The following ARHGAP6 variants were observed in gnomAD, a reference collection of about 807,000 sequenced individuals.
ARHGAP6 encodes Rho GTPase activating protein 6.
Under a neutral mutation model 55.7 loss-of-function variants are expected in ARHGAP6, and 16 were observed. That is an observed-to-expected ratio of 0.29 (90% confidence interval 0.19 to 0.44). The LOEUF (loss-of-function observed/expected upper bound fraction) is 0.44, where lower values mean the gene tolerates loss of function less well. Among genes scored for constraint, ARHGAP6 ranks in the 20% least tolerant of loss-of-function variants. ARHGAP6 has a pLI of 1.00. For missense variants in ARHGAP6, 698 were observed against 808.9 expected (o/e 0.86, Z 1.66); for synonymous variants, 382 against 360.9 (o/e 1.06, Z -0.66).
In ARHGAP6 at chrX:11,413,837, A is replaced by G. The variant is rs1212172270; in HGVS notation, c.589-159130T>C. Among the ~76,000 whole-genome samples, 3 of 112,237 alleles carry G rather than the reference A, an allele frequency of 2.7e-5. No homozygotes were observed. In the South Asian group the frequency reaches 1.1e-3, roughly 42 times the overall value. On this transcript the variant is annotated intron_variant, in intron 1 of 12. Coordinates refer to ENST00000337414, the MANE Select transcript of ARHGAP6 (RefSeq NM_013427.3). The stretch of plus-strand genomic sequence containing the variant: ...TAAAGCATTTTCCAGTGATGTAGAG[A>G]TTGGACAAGGCAAATAGTTTTCAGA...
In ARHGAP6 at chrX:11,372,811, C is replaced by T. The variant is rs781237270; in HGVS notation, c.589-118104G>A. ...AAAAAAAAAAAGAAAAGAAAAGAAA[C>T]GAAATTATTGTTAACTTAATTGGGA... On this transcript the variant is annotated intron_variant, in intron 1 of 12. Transcript: ENST00000337414. 1.1e-4 allele frequency among the ~76,000 whole-genome samples: 9 copies of T among 80,497 alleles called. No homozygotes were observed. In the East Asian group the frequency reaches 3.2e-3, roughly 29 times the overall value. The allele number at this position is 80,497 out of a possible 115,157, so 69.9% of individuals were successfully genotyped here. A position where few individuals can be genotyped will look rare whatever the true frequency, so the allele number is the denominator to read the frequency against.
chrX:11,154,298 C>T (rs1433781433), intron 10 of ARHGAP6, among the ~76,000 whole-genome samples: 1 of 111,789 alleles, frequency 8.9e-6, no homozygotes, highest in Non-Finnish European at 1.9e-5. Context: ...CTAGGGTCTG[C>T]TCACCTACAC....
At chrX:11,230,529 C>G (rs1237528583) in intron 2 of ARHGAP6, among the ~76,000 whole-genome samples, 1 of 110,823 alleles carries the variant, frequency 9.0e-6, no homozygotes, top group Non-Finnish European at 1.9e-5. Flanking sequence ...CTTAGTACCT[C>G]AAATGAGTAA....
rs376591242 is a variant in ARHGAP6 at position 11,312,029 on chromosome X, T to C, written c.589-57322A>G. 7.1e-5 allele frequency among the ~76,000 whole-genome samples: 8 copies of C among 112,137 alleles called. No individual in the cohort carries two copies. In the South Asian group the frequency reaches 3.0e-3, roughly 42 times the overall value. ...TGTTTCATGCTTTCTCAAGACCTTA[T>C]GCCACTAACTGTGTGGGATTGGAAA... is the stretch of plus-strand genomic sequence containing the variant. On this transcript the variant is annotated intron_variant, in intron 1 of 12. Coordinates refer to ENST00000337414, the MANE Select transcript of ARHGAP6 (RefSeq NM_013427.3).
chrX:11,141,146 A>C, intron 12 of ARHGAP6, among the ~76,000 whole-genome samples: 1 of 111,584 alleles, frequency 9.0e-6, no homozygotes, highest in Non-Finnish European at 1.9e-5. Context: ...AACAATGAGA[A>C]AGGGAATATA....
chrX:11,186,673 C>T (rs934142825), intron 4 of ARHGAP6, among the ~76,000 whole-genome samples: 1 of 112,012 alleles, frequency 8.9e-6, no homozygotes, highest in Non-Finnish European at 1.9e-5. Flanking sequence ...CAATAGACAA[C>T]ATTTTCCAAA....
chrX:11,506,490 G>T (rs1296259710), intron 1 of ARHGAP6, among the ~76,000 whole-genome samples: 1 of 110,425 alleles, frequency 9.1e-6, no homozygotes, highest in African/African-American at 3.3e-5. Flanking sequence ...AACATGTGGT[G>T]TTTGGTTTTC....
At chrX:11,414,280 A>C (rs1250428108) in intron 1 of ARHGAP6, among the ~76,000 whole-genome samples, 1 of 112,567 alleles carries the variant, frequency 8.9e-6, no homozygotes, top group African/African-American at 3.2e-5. Flanking sequence ...ATGTCAATAA[A>C]TGCACATGGC....
intron 1 of ARHGAP6, among the ~76,000 whole-genome samples, chrX:11,258,472 T>A (rs1264105555): frequency 9.1e-6 from 1 of 110,392 alleles, no homozygotes; most frequent in East Asian, 2.8e-4. Flanking sequence ...ATGGTGAAAA[T>A]GGTATTTTCT....
intron 1 of ARHGAP6, among the ~76,000 whole-genome samples, chrX:11,484,555 AAG>A (rs2050492057): frequency 9.3e-6 from 1 of 107,505 alleles, no homozygotes; most frequent in African/African-American, 3.4e-5. Flanking sequence ...GAGAAGGAAA[AAG>A]AGGAAAAAGA....
chrX:11,555,897 G>A (rs925421154), intron 1 of ARHGAP6, among the ~76,000 whole-genome samples: 8 of 111,281 alleles, frequency 7.2e-5, no homozygotes, highest in Non-Finnish European at 1.5e-4. Context: ...GATAAGAGAT[G>A]AGACCAGAGT....
chrX:11,466,134 T>G (rs2050290872), intron 1 of ARHGAP6, among the ~76,000 whole-genome samples: 1 of 111,938 alleles, frequency 8.9e-6, no homozygotes, highest in Non-Finnish European at 1.9e-5. Flanking sequence ...CTCTTGAATG[T>G]CAATGATCAT....
intron 1 of ARHGAP6, among the ~76,000 whole-genome samples, chrX:11,482,873 G>T (rs777355650): frequency 9.0e-6 from 1 of 111,235 alleles, no homozygotes; most frequent in East Asian, 2.8e-4. Context: ...GCACTGAGTG[G>T]GGTCTACACT....
chrX:11,431,660 C>G (rs1392488772), intron 1 of ARHGAP6, among the ~76,000 whole-genome samples: 1 of 112,123 alleles, frequency 8.9e-6, no homozygotes, highest in Non-Finnish European at 1.9e-5. Context: ...ACTATGCCAT[C>G]CTATTGTCCT....
At chrX:11,365,680 C>G (rs894308040) in intron 1 of ARHGAP6, among the ~76,000 whole-genome samples, 1 of 112,140 alleles carries the variant, frequency 8.9e-6, no homozygotes, top group South Asian at 3.7e-4. Flanking sequence ...TATCTTTTGG[C>G]TTATTGTTTT....
At chrX:11,454,794 G>T (rs772667266) in intron 1 of ARHGAP6, among the ~76,000 whole-genome samples, 4 of 112,292 alleles carry the variant, frequency 3.6e-5, no homozygotes, top group Admixed American at 1.9e-4. Flanking sequence ...TAGCATTTGG[G>T]ATGAGACGGA....
chrX:11,638,636 A>G (rs1050666184), intron 1 of ARHGAP6, among the ~76,000 whole-genome samples: 2 of 111,266 alleles, frequency 1.8e-5, no homozygotes, highest in African/African-American at 6.5e-5. Context: ...CCACCCCTCC[A>G]TATTAAATGC....
intron 1 of ARHGAP6, among the ~76,000 whole-genome samples, chrX:11,462,944 T>A (rs1476814287): frequency 8.9e-6 from 1 of 112,711 alleles, no homozygotes; most frequent in Non-Finnish European, 1.9e-5. Flanking sequence ...TACTTGAGTG[T>A]ATTCTTGTAT....
chrX:11,266,032 C>CGTGT (rs2047618499), intron 1 of ARHGAP6: 1 of 282,090 alleles, frequency 3.5e-6, no homozygotes, highest in African/African-American at 7.8e-5. Flanking sequence ...TGCGTGTGTG[C>CGTGT]CTGTGTGTGT....
Sources: allele counts gnomAD v4.1 joint callset (sites outside exome capture counted in the v4.1 genomes callset), GRCh38; gene constraint gnomAD v4.1.1; transcripts MANE v1.5; gene names NCBI Gene and HGNC (gene_info 2026-07-23, HGNC 2026-07-21).